The following MTHFD1L variants were observed in gnomAD, a reference collection of about 807,000 sequenced individuals.
MTHFD1L encodes the protein monofunctional C1-tetrahydrofolate synthase, mitochondrial.
In MTHFD1L, 81 loss-of-function variants were observed where a neutral mutation model predicts 119.5. The observed-to-expected ratio is 0.68, with a 90% CI of 0.57 to 0.82. The LOEUF is 0.82. MTHFD1L is among the 40% of genes least tolerant of loss of function. The pLI is 0.00. For missense variants in MTHFD1L, 1,125 were observed against 1,253.4 expected (o/e 0.90, Z 1.55); for synonymous variants, 430 against 475.2 (o/e 0.90, Z 1.24).
intron 11 of MTHFD1L, among the ~76,000 whole-genome samples, chr6:150,932,874 AGAAG>A (rs55963703): frequency 0.017 from 2,451 of 144,840 alleles, 34 homozygotes; most frequent in Non-Finnish European, 0.023. Context: ...CCTTAAGGAA[AGAAG>A]GAAGGAAGGA....
At position 151,045,500 on chromosome 6, in the gene MTHFD1L, T is replaced by A. The variant is rs1174535002; in HGVS notation, c.2847+8383T>A. ...TTTACAAAAGTCTTTGAAATGGCCC[T>A]CGTCTCTCCAATGCTCCTGGGTCCT... is the stretch of plus-strand genomic sequence containing the variant. On this transcript the variant is annotated intron_variant, in intron 26 of 27. Transcript: ENST00000367321. Among the ~76,000 whole-genome samples the A allele has an allele frequency of 3.3e-5, 5 of 152,242 alleles. No individual in the cohort carries two copies. The East Asian group carries it at 9.6e-4, about 29-fold the overall frequency.
At chr6:151,004,614 T>A (rs929356959) in intron 20 of MTHFD1L, among the ~76,000 whole-genome samples, 1 of 152,240 alleles carries the variant, frequency 6.6e-6, no homozygotes, top group African/African-American at 2.4e-5. Flanking sequence ...ACTCTCCATC[T>A]GAACCCAGAG....
chr6:150,997,503 T>C (rs73020334), intron 20 of MTHFD1L, among the ~76,000 whole-genome samples: 34,725 of 152,040 alleles, frequency 0.23, 4,060 homozygotes, highest in Middle Eastern at 0.31. Context: ...TATAAATACA[T>C]TGAGGCTGGG....
chr6:151,076,411 A>G lies in MTHFD1L; in HGVS notation c.2848-16056A>G, dbSNP rs147792791. 6.6e-3 allele frequency among the ~76,000 whole-genome samples: 1,005 copies of G among 152,262 alleles called. 8 individuals are homozygous for G. The highest frequency in any genetic ancestry group is 0.054 in the East Asian group (279 of 5,178). On this transcript the variant is annotated intron_variant, in intron 26 of 27. Transcript: ENST00000367321. ...ACAGCTGTAATTGCATCACTTTGGG[A>G]GGCTGAGGCAGGTGGATCACTTGAG...
intron 6 of MTHFD1L, among the ~76,000 whole-genome samples, chr6:150,885,960 T>G (rs1056830628): frequency 6.6e-6 from 1 of 152,188 alleles, no homozygotes; most frequent in Admixed American, 6.6e-5. Context: ...CCTAGAAACT[T>G]TTTCTAGTAA....
chr6:150,879,076 A>T (rs1780942233), intron 4 of MTHFD1L, among the ~76,000 whole-genome samples: 1 of 152,286 alleles, frequency 6.6e-6, no homozygotes, highest in Middle Eastern at 3.4e-3. Flanking sequence ...GAAGCCTTAG[A>T]TCATTTATTA....
intron 8 of MTHFD1L, among the ~76,000 whole-genome samples, chr6:150,918,318 C>T (rs948021717): frequency 6.6e-6 from 1 of 152,162 alleles, no homozygotes; most frequent in African/African-American, 2.4e-5. Context: ...CTGCCTCGGC[C>T]TCCCAAAGTG....
intron 27 of MTHFD1L, among the ~76,000 whole-genome samples, chr6:151,101,044 A>G (rs1795328133): frequency 6.6e-6 from 1 of 152,100 alleles, no homozygotes; most frequent in Non-Finnish European, 1.5e-5. Flanking sequence ...TTGTAATCCC[A>G]GCTACTCCGG....
chr6:150,960,129 G>GA, intron 17 of MTHFD1L, 146 bp from the exon 18 acceptor site: 1 of 1,149,666 alleles, frequency 8.7e-7, no homozygotes, highest in South Asian at 1.7e-5. Context: ...CAGACACGCA[G>GA]AAAACTGATG....
At chr6:150,990,356 G>A (rs1778891540) in intron 20 of MTHFD1L, among the ~76,000 whole-genome samples, 1 of 152,086 alleles carries the variant, frequency 6.6e-6, no homozygotes, top group South Asian at 2.1e-4. Context: ...TAACCCTATA[G>A]CAAAACAGTT....
At chr6:151,076,378 G>A (rs574997985) in intron 26 of MTHFD1L, among the ~76,000 whole-genome samples, 44 of 152,112 alleles carry the variant, frequency 2.9e-4, no homozygotes, top group African/African-American at 7.7e-4. Context: ...GGCTGGGCAC[G>A]GTGGCTCACA....
At chr6:150,920,765 CTATT>C (rs546535594) in intron 9 of MTHFD1L, among the ~76,000 whole-genome samples, 1 of 151,312 alleles carries the variant, frequency 6.6e-6, no homozygotes, top group Admixed American at 6.6e-5. Flanking sequence ...AACACTTAAT[CTATT>C]TATTTATTTA....
intron 23 of MTHFD1L, 105 bp from the exon 24 acceptor site, chr6:151,015,411 T>C: frequency 8.0e-7 from 1 of 1,255,466 alleles, no homozygotes; most frequent in Non-Finnish European, 1.1e-6. Context: ...ATGTTTAAAA[T>C]GTATTCAGTG....
intron 19 of MTHFD1L, among the ~76,000 whole-genome samples, chr6:150,965,445 G>A (rs1430731062): frequency 1.3e-5 from 2 of 152,080 alleles, no homozygotes; most frequent in Non-Finnish European, 2.9e-5. Context: ...CGGATTATGA[G>A]GTCAGGAGTT....
chr6:151,003,799 T>C (rs1265251497), intron 20 of MTHFD1L, among the ~76,000 whole-genome samples: 1 of 152,046 alleles, frequency 6.6e-6, no homozygotes, highest in African/African-American at 2.4e-5. Context: ...GAGAATGCCA[T>C]ATGTAGCAGA....
At chr6:150,905,544 C>A in intron 7 of MTHFD1L, 106 bp from the exon 8 acceptor site, 1 of 794,404 alleles carries the variant, frequency 1.3e-6, no homozygotes, top group Non-Finnish European at 2.2e-6. Flanking sequence ...CAGCTTGGAA[C>A]AAAGCTGTGG....
At chr6:150,870,653 C>T (rs903123002) in intron 1 of MTHFD1L, among the ~76,000 whole-genome samples, 1 of 152,116 alleles carries the variant, frequency 6.6e-6, no homozygotes, top group African/African-American at 2.4e-5. Context: ...TAGCTCATGA[C>T]TGTAATCCCA....
chr6:151,027,155 C>G (rs1034370961), intron 24 of MTHFD1L, among the ~76,000 whole-genome samples: 1 of 151,990 alleles, frequency 6.6e-6, no homozygotes, highest in East Asian at 1.9e-4. Flanking sequence ...ATGCACTATT[C>G]CAGCTTTTTT....
intron 16 of MTHFD1L, among the ~76,000 whole-genome samples, chr6:150,955,404 A>T (rs144187599): frequency 2.0e-5 from 3 of 151,828 alleles, no homozygotes; most frequent in African/African-American, 7.3e-5. Flanking sequence ...GACTATTTTG[A>T]ATAGTGCTGC....
Sources: allele counts gnomAD v4.1 joint callset (sites outside exome capture counted in the v4.1 genomes callset), GRCh38; gene constraint gnomAD v4.1.1; transcripts MANE v1.5; gene names NCBI Gene and HGNC (gene_info 2026-07-23, HGNC 2026-07-21).